FAM13C: variants seen among roughly 807,000 people sequenced by gnomAD.
FAM13C encodes the protein protein FAM13C.
Under a neutral mutation model 73.2 loss-of-function variants are expected in FAM13C, and 37 were observed. That is an observed-to-expected ratio of 0.51 (90% CI 0.39 to 0.67). FAM13C has a LOEUF of 0.67. FAM13C is among the 30% of genes least tolerant of loss of function. The probability of loss-of-function intolerance (pLI) is 0.00; values close to 1 mark genes in which losing one functional copy is unlikely to be tolerated. For missense variants in FAM13C, 589 were observed against 715.6 expected, an observed-to-expected ratio of 0.82 and a Z score of 2.02; for synonymous variants, 246 against 260.9, an observed-to-expected ratio of 0.94 and a Z score of 0.55.
chr10:59,272,027 A>C (rs965470167), intron 6 of FAM13C, among the ~76,000 whole-genome samples: 1 of 152,182 alleles, frequency 6.6e-6, no homozygotes, highest in Non-Finnish European at 1.5e-5. Flanking sequence ...AAGCAGTGCC[A>C]GGGAAAGATC....
chr10:59,337,805 G>A lies in FAM13C; in HGVS notation c.325-13699C>T, dbSNP rs148226666. On this transcript the variant is annotated intron_variant, in intron 3 of 13. Coordinates refer to ENST00000618804, the MANE Select transcript of FAM13C (RefSeq NM_198215.4). ...AGCAATTCTCCTGCCTCGGCCTCCC[G>A]AGTAGCTGGGATTACAGGCACCTGC... Among the ~76,000 whole-genome samples the A allele has an allele frequency of 2.7e-3, 406 of 148,848 alleles. 1 individual carries two copies. The highest frequency in any genetic ancestry group is 9.5e-3 in the African/African-American group (386 of 40,512).
At chr10:59,304,713 C>T (rs1386505622) in intron 4 of FAM13C, among the ~76,000 whole-genome samples, 1 of 137,160 alleles carries the variant, frequency 7.3e-6, no homozygotes, top group African/African-American at 2.7e-5. Context: ...ACAAGTTTAC[C>T]TGTGAAACAA....
At chr10:59,353,865 C>A (rs1855380358) in intron 2 of FAM13C, among the ~76,000 whole-genome samples, 1 of 152,232 alleles carries the variant, frequency 6.6e-6, no homozygotes, top group East Asian at 1.9e-4. Context: ...AACTGAAAAA[C>A]AAATCAATGC....
chr10:59,302,204 T>C (rs1394922905), intron 5 of FAM13C, among the ~76,000 whole-genome samples: 3 of 152,216 alleles, frequency 2.0e-5, no homozygotes, highest in Non-Finnish European at 4.4e-5. Context: ...TTCATTATAA[T>C]AGATATCATA....
intron 10 of FAM13C, among the ~76,000 whole-genome samples, chr10:59,254,880 C>T (rs1841801161): frequency 6.6e-6 from 1 of 152,090 alleles, no homozygotes; most frequent in South Asian, 2.1e-4. Flanking sequence ...AGGTGTGAGC[C>T]ACCGTGCCTG....
intron 10 of FAM13C, among the ~76,000 whole-genome samples, chr10:59,254,651 G>A (rs1841772010): frequency 6.6e-6 from 1 of 151,498 alleles, no homozygotes; most frequent in Non-Finnish European, 1.5e-5. Flanking sequence ...TCACCCAGGC[G>A]GAGTGCAATG....
At chr10:59,301,814 T>A (rs1044918112) in intron 5 of FAM13C, among the ~76,000 whole-genome samples, 4 of 152,230 alleles carry the variant, frequency 2.6e-5, no homozygotes, top group Admixed American at 2.0e-4. Flanking sequence ...TTCTGTGTTC[T>A]TATCTTTAGG....
chr10:59,283,560 CAACA>C, intron 5 of FAM13C, 113 bp from the exon 6 acceptor site: 21 of 1,027,898 alleles, frequency 2.0e-5, no homozygotes, highest in Non-Finnish European at 2.9e-5. Flanking sequence ...GCCTAACACA[CAACA>C]GTGTGTCCGC....
intron 2 of FAM13C, among the ~76,000 whole-genome samples, chr10:59,353,879 T>C (rs1855381452): frequency 6.6e-6 from 1 of 152,200 alleles, no homozygotes; most frequent in African/African-American, 2.4e-5. Flanking sequence ...TCAATGCCAA[T>C]GACACTGGTC....
At chr10:59,302,514 GGTTA>G (rs1256651906) in intron 5 of FAM13C, among the ~76,000 whole-genome samples, 1 of 152,142 alleles carries the variant, frequency 6.6e-6, no homozygotes, top group Admixed American at 6.6e-5. Flanking sequence ...TCATCGCCAC[GGTTA>G]TACAATCCTG....
intron 3 of FAM13C, among the ~76,000 whole-genome samples, chr10:59,341,835 C>T (rs1251150380): frequency 1.3e-5 from 2 of 152,154 alleles, no homozygotes; most frequent in African/African-American, 4.8e-5. Flanking sequence ...AAAGTTCCTT[C>T]ATAATTCAAG....
At position 59,263,897 on chromosome 10, in the gene FAM13C, G is replaced by A. The variant is rs887791386; in HGVS notation, c.1024+188C>T. The stretch of plus-strand genomic sequence containing the variant: ...AGGTCCTCAGTTTCTTTGTAAGGAG[G>A]TTTATTACATGGGGCCAAACAATGA... On this transcript the variant is annotated intron_variant, in intron 9 of 13. Coordinates refer to ENST00000618804, the MANE Select transcript of FAM13C (RefSeq NM_198215.4). The A allele has an allele frequency of 8.8e-5, 52 of 589,202 alleles. 1 individual carries two copies. The highest frequency in any genetic ancestry group is 1.5e-4 in the Non-Finnish European group (49 of 328,908). 36.5% of individuals were successfully genotyped at this position (589,202 alleles called of 1,614,324 possible).
intron 5 of FAM13C, among the ~76,000 whole-genome samples, chr10:59,284,746 C>CAT (rs1845357569): frequency 6.6e-6 from 1 of 150,596 alleles, no homozygotes; most frequent in South Asian, 2.1e-4. Flanking sequence ...ACCTTCCACA[C>CAT]ACACACACCC....
chr10:59,335,273 T>C (rs1337702355), intron 3 of FAM13C, among the ~76,000 whole-genome samples: 1 of 152,216 alleles, frequency 6.6e-6, no homozygotes, highest in Non-Finnish European at 1.5e-5. Flanking sequence ...ACATTCAGAC[T>C]GAATTGAATA....
At chr10:59,253,360 T>C (rs938270451) in intron 11 of FAM13C, among the ~76,000 whole-genome samples, 1 of 152,194 alleles carries the variant, frequency 6.6e-6, no homozygotes, top group Non-Finnish European at 1.5e-5. Context: ...ATACTTGTGA[T>C]ATGAGTTAAG....
chr10:59,270,169 G>A, intron 6 of FAM13C, 60 bp from the exon 7 acceptor site: 1 of 1,501,062 alleles, frequency 6.7e-7, no homozygotes, highest in South Asian at 1.2e-5. Context: ...AGACTGTCAT[G>A]TTCCTAAATA....
Position 59,264,102 on chromosome 10 carries a change from C to T in FAM13C, c.1007G>A (p.Gly336Asp). The T allele has an allele frequency of 6.2e-7, 1 of 1,612,956 alleles. No individual in the cohort carries two copies. Among genetic ancestry groups the T allele is most frequent in the Non-Finnish European group, 8.5e-7 (1 of 1,179,422 alleles). ...VLKWMNDLAK[G>D]RKQLKELKLK... Reference sequence around the variant, plus strand: ...GGATTTACCTTTGAGCTGTTTACGACCTTTAGCCAAATCATTCATCCATTT... The same window carrying T: ...GGATTTACCTTTGAGCTGTTTACGATCTTTAGCCAAATCATTCATCCATTT... The change falls in exon 9 of 14, where the codon GGT (glycine) becomes GAT (aspartate). Residue 336 changes from glycine (G) to aspartate (D), a missense_variant. By Grantham distance (94) the Gly-to-Asp change is moderately conservative (BLOSUM62 -1). Coordinates refer to ENST00000618804, the MANE Select transcript of FAM13C (RefSeq NM_198215.4).
chr10:59,339,426 A>G (rs1853197577), intron 3 of FAM13C, among the ~76,000 whole-genome samples: 1 of 152,202 alleles, frequency 6.6e-6, no homozygotes, highest in East Asian at 1.9e-4. Context: ...AAATAGAAAA[A>G]TGTTTGTGAA....
intron 6 of FAM13C, 43 bp downstream of exon 6, chr10:59,283,320 C>A (rs2133691339): frequency 1.9e-6 from 3 of 1,597,658 alleles, no homozygotes; most frequent in Non-Finnish European, 2.6e-6. Context: ...ACTGAACTAC[C>A]TTGAGAGTAC....
Sources: allele counts gnomAD v4.1 joint callset (sites outside exome capture counted in the v4.1 genomes callset), GRCh38; gene constraint gnomAD v4.1.1; transcripts MANE v1.5; gene names NCBI Gene and HGNC (gene_info 2026-07-23, HGNC 2026-07-21).